AGMO: variants seen among roughly 807,000 people sequenced by gnomAD.
AGMO encodes the protein glyceryl-ether monooxygenase.
Under a neutral mutation model 60.2 loss-of-function variants are expected in AGMO, and 75 were observed. That is an observed-to-expected ratio of 1.25 (90% CI 1.03 to 1.51). The LOEUF (loss-of-function observed/expected upper bound fraction) is 1.51. AGMO is among the 40% of genes most tolerant of loss of function. AGMO has a pLI of 0.00. For missense variants in AGMO, 763 were observed against 525.5 expected (o/e 1.45, Z -4.42); for synonymous variants, 261 against 177.1 (o/e 1.47, Z -3.76).
intron 9 of AGMO, among the ~76,000 whole-genome samples, chr7:15,386,053 C>T (rs1384304043): frequency 3.3e-5 from 5 of 152,012 alleles, no homozygotes; most frequent in Admixed American, 6.6e-5. Context: ...TGGTGGCACA[C>T]ACCTGTAATC....
At chr7:15,180,818 A>G in the AGMO span, among the ~76,000 whole-genome samples, 52 of 152,182 alleles carry the variant, frequency 3.4e-4, no homozygotes, top group Non-Finnish European at 5.9e-4. Flanking sequence ...CAGACTGGGT[A>G]ATTTATAAAG....
chr7:15,361,691 T>G (rs1782773831), intron 12 of AGMO, among the ~76,000 whole-genome samples: 1 of 152,070 alleles, frequency 6.6e-6, no homozygotes, highest in Non-Finnish European at 1.5e-5. Flanking sequence ...TAATGAAGTG[T>G]GGTTATATCT....
At chr7:15,411,797 T>C (rs1780617398) in intron 5 of AGMO, among the ~76,000 whole-genome samples, 2 of 152,092 alleles carry the variant, frequency 1.3e-5, no homozygotes, top group Admixed American at 6.6e-5. Flanking sequence ...ACAAATAGTA[T>C]GTATTTTTTT....
chr7:15,256,329 C>A (rs1225042203), intron 12 of AGMO, among the ~76,000 whole-genome samples: 2 of 152,092 alleles, frequency 1.3e-5, no homozygotes, highest in South Asian at 2.1e-4. Context: ...TGTAACAGAG[C>A]TGAAATTTTT....
At chr7:15,409,143 A>G (rs1302155453) in intron 5 of AGMO, among the ~76,000 whole-genome samples, 1 of 149,934 alleles carries the variant, frequency 6.7e-6, no homozygotes, top group Non-Finnish European at 1.5e-5. Flanking sequence ...TTCAGTAAGC[A>G]ATAGAACATC....
At chr7:15,393,942 T>C (rs1784256894) in intron 6 of AGMO, among the ~76,000 whole-genome samples, 171 bp downstream of exon 6, 1 of 122,886 alleles carries the variant, frequency 8.1e-6, no homozygotes, top group Admixed American at 9.2e-5. Context: ...CACCAGTTCA[T>C]ACTTTGGAGA....
the AGMO span, among the ~76,000 whole-genome samples, chr7:15,141,445 T>C: frequency 1.3e-5 from 2 of 152,000 alleles, no homozygotes; most frequent in Admixed American, 6.6e-5. Flanking sequence ...TAGCCGAGTG[T>C]GGTGGCGGGC....
chr7:15,352,765 T>C (rs1424323434), intron 12 of AGMO, among the ~76,000 whole-genome samples: 2 of 151,778 alleles, frequency 1.3e-5, no homozygotes. Context: ...GGATTCTCCT[T>C]AGAGCCATTA....
chr7:15,341,519 AG>A (rs1163086300), intron 12 of AGMO, among the ~76,000 whole-genome samples: 9 of 152,174 alleles, frequency 5.9e-5, no homozygotes, highest in Admixed American at 6.5e-5. Flanking sequence ...ACAAGTCTCT[AG>A]GAAGTTCCAA....
intron 3 of AGMO, among the ~76,000 whole-genome samples, chr7:15,468,663 T>A (rs1782359724): frequency 6.6e-6 from 1 of 152,088 alleles, no homozygotes; most frequent in Non-Finnish European, 1.5e-5. Flanking sequence ...GCATATTACA[T>A]ATATGAACAT....
At chr7:15,541,110 T>C (rs540042644) in intron 3 of AGMO, among the ~76,000 whole-genome samples, 160 of 152,198 alleles carry the variant, frequency 1.1e-3, no homozygotes, top group African/African-American at 3.7e-3. Context: ...TTTTTGTTTG[T>C]TTGTTTTTTT....
intron 12 of AGMO, among the ~76,000 whole-genome samples, chr7:15,295,722 T>A (rs1463024693): frequency 6.6e-6 from 1 of 152,112 alleles, no homozygotes; most frequent in African/African-American, 2.4e-5. Context: ...TTATCAGAAT[T>A]CTTAAGAATG....
At chr7:15,208,055 G>A (rs1180789680) in intron 12 of AGMO, among the ~76,000 whole-genome samples, 1 of 152,222 alleles carries the variant, frequency 6.6e-6, no homozygotes, top group Non-Finnish European at 1.5e-5. Flanking sequence ...TATAAATCAT[G>A]AATCACAAAT....
At chr7:15,397,565 C>T (rs1399711223) in intron 5 of AGMO, among the ~76,000 whole-genome samples, 3 of 152,216 alleles carry the variant, frequency 2.0e-5, no homozygotes, top group East Asian at 1.9e-4. Context: ...CTCTCACTAC[C>T]TACCTTACTT....
chr7:15,250,073 T>C (rs915035894), intron 12 of AGMO, among the ~76,000 whole-genome samples: 21 of 152,324 alleles, frequency 1.4e-4, no homozygotes, highest in African/African-American at 4.8e-4. Flanking sequence ...GTAAGTGTAG[T>C]TGAAGCCTTC....
chr7:15,482,293 T>C (rs764875922), intron 3 of AGMO, among the ~76,000 whole-genome samples: 1 of 151,860 alleles, frequency 6.6e-6, no homozygotes, highest in African/African-American at 2.4e-5. Context: ...ATAAGGAAGA[T>C]ACACATTACC....
At chr7:15,418,334 G>A (rs1175942456) in intron 5 of AGMO, among the ~76,000 whole-genome samples, 1 of 151,874 alleles carries the variant, frequency 6.6e-6, no homozygotes, top group Non-Finnish European at 1.5e-5. Flanking sequence ...GCACTTAATA[G>A]TTCAAAAAAT....
At chr7:15,384,218 T>C (rs899306495) in intron 10 of AGMO, among the ~76,000 whole-genome samples, 6 of 152,220 alleles carry the variant, frequency 3.9e-5, no homozygotes, top group East Asian at 1.9e-4. Context: ...ATTACAGGCA[T>C]GAGCCACCAC....
the AGMO span, among the ~76,000 whole-genome samples, chr7:15,183,014 T>G: frequency 3.3e-5 from 5 of 152,086 alleles, no homozygotes; most frequent in African/African-American, 4.8e-5. Flanking sequence ...TCCACCCCCA[T>G]GATTCAATCA....
Sources: allele counts gnomAD v4.1 joint callset (sites outside exome capture counted in the v4.1 genomes callset), GRCh38; gene constraint gnomAD v4.1.1; transcripts MANE v1.5; gene names NCBI Gene and HGNC (gene_info 2026-07-23, HGNC 2026-07-21).